AUTS2: variants seen among roughly 807,000 people sequenced by gnomAD.
AUTS2 encodes autism susceptibility gene 2 protein.
Under a neutral mutation model 112.4 loss-of-function variants are expected in AUTS2, and 17 were observed. That is an observed-to-expected ratio of 0.15 (90% CI 0.10 to 0.23). The LOEUF is 0.23. AUTS2 is among the 10% of genes least tolerant of loss of function. The pLI is 1.00. For missense variants in AUTS2, 1,510 were observed against 1,701.6 expected (o/e 0.89, Z 1.98); for synonymous variants, 751 against 702.7 (o/e 1.07, Z -1.09).
chr7:70,544,945 G>A (rs1181084647), intron 5 of AUTS2, among the ~76,000 whole-genome samples: 3 of 152,168 alleles, frequency 2.0e-5, no homozygotes, highest in Admixed American at 6.5e-5. Context: ...TGGGACCTAT[G>A]TACTTGGTGA....
chr7:69,671,486 G>GTGTGTGT (rs748832261), intron 1 of AUTS2, among the ~76,000 whole-genome samples: 2,792 of 138,550 alleles, frequency 0.02, 51 homozygotes, highest in Non-Finnish European at 0.028. Context: ...TGCTGCTGCT[G>GTGTGTGT]GTGTGTGTGT....
chr7:70,253,216 A>T (rs1424648608), intron 4 of AUTS2, among the ~76,000 whole-genome samples: 1 of 152,166 alleles, frequency 6.6e-6, no homozygotes, highest in Non-Finnish European at 1.5e-5. Context: ...GCATAACAAG[A>T]TGTCATTTTG....
intron 5 of AUTS2, among the ~76,000 whole-genome samples, chr7:70,538,921 C>A (rs1800433016): frequency 6.6e-6 from 1 of 152,138 alleles, no homozygotes; most frequent in Non-Finnish European, 1.5e-5. Flanking sequence ...TCTGGATGAA[C>A]AAAACGGGTT....
At chr7:70,738,015 T>G (rs1787869963) in intron 6 of AUTS2, among the ~76,000 whole-genome samples, 1 of 152,014 alleles carries the variant, frequency 6.6e-6, no homozygotes, top group South Asian at 2.1e-4. Flanking sequence ...GAAGACATTC[T>G]GAAACCAACT....
chr7:69,801,765 C>T (rs1021311564), intron 1 of AUTS2, among the ~76,000 whole-genome samples: 1 of 152,102 alleles, frequency 6.6e-6, no homozygotes, highest in African/African-American at 2.4e-5. Context: ...AAACAGACAA[C>T]AATCTCTCTG....
At chr7:69,742,184 T>A (rs554568381) in intron 1 of AUTS2, among the ~76,000 whole-genome samples, 9 of 151,898 alleles carry the variant, frequency 5.9e-5, no homozygotes, top group Non-Finnish European at 1.3e-4. Context: ...GACAATTTGT[T>A]TGTTCATATT....
At chr7:70,364,228 C>A (rs904598217) in intron 4 of AUTS2, among the ~76,000 whole-genome samples, 5 of 152,074 alleles carry the variant, frequency 3.3e-5, no homozygotes, top group Admixed American at 3.3e-4. Flanking sequence ...AGTCTTTCAA[C>A]TGTCTAGCAC....
chr7:70,041,154 T>G (rs1801229601), intron 2 of AUTS2, among the ~76,000 whole-genome samples: 1 of 152,164 alleles, frequency 6.6e-6, no homozygotes, highest in African/African-American at 2.4e-5. Context: ...AGAAAAACAG[T>G]TTAGTAGCAC....
intron 1 of AUTS2, among the ~76,000 whole-genome samples, chr7:69,652,962 T>TA (rs1198081496): frequency 6.6e-6 from 1 of 152,210 alleles, no homozygotes; most frequent in Non-Finnish European, 1.5e-5. Context: ...ATGAGGTTCG[T>TA]AGTGCTTTAG....
At chr7:70,221,911 A>T (rs1373572889) in intron 4 of AUTS2, among the ~76,000 whole-genome samples, 1 of 152,028 alleles carries the variant, frequency 6.6e-6, no homozygotes, top group African/African-American at 2.4e-5. Context: ...TAAATAAAGA[A>T]TCTATCATTT....
In AUTS2 at chr7:70,787,309, C is replaced by T. The variant is rs1791570277; in HGVS notation, c.2409C>T (p.Phe803=). 4 of 1,614,230 alleles carry T rather than the reference C, an allele frequency of 2.5e-6. No homozygotes were observed. The highest frequency in any genetic ancestry group is 3.4e-6 in the Non-Finnish European group (4 of 1,180,038). The change falls in exon 18 of 19, where the codon TTC becomes TTT. Residue 803 remains phenylalanine (F), a synonymous_variant. Coordinates refer to ENST00000342771, the MANE Select transcript of AUTS2 (RefSeq NM_015570.4). The part of the protein sequence containing the change: ...WNRLHRTPPS[F]PTPPPWLKPG... ...GGCTGCACCGAACGCCTCCGTCGTT[C>T]CCGACCCCTCCGCCCTGGCTGAAGC...
At chr7:69,924,436 T>G (rs1470199826) in intron 2 of AUTS2, among the ~76,000 whole-genome samples, 2 of 152,172 alleles carry the variant, frequency 1.3e-5, no homozygotes, top group Admixed American at 6.5e-5. Flanking sequence ...AGAGTGATGC[T>G]GGCCTCATAG....
At chr7:69,863,014 A>G (rs904847049) in intron 1 of AUTS2, among the ~76,000 whole-genome samples, 4 of 152,136 alleles carry the variant, frequency 2.6e-5, no homozygotes, top group Admixed American at 2.6e-4. Flanking sequence ...AGACTACCCC[A>G]TCATACCACA....
At chr7:69,957,729 G>C (rs1431824027) in intron 2 of AUTS2, among the ~76,000 whole-genome samples, 1 of 152,150 alleles carries the variant, frequency 6.6e-6, no homozygotes, top group African/African-American at 2.4e-5. Context: ...CAGGAAGGGA[G>C]TGAAACAGGG....
intron 4 of AUTS2, among the ~76,000 whole-genome samples, chr7:70,314,662 A>G (rs1419942765): frequency 6.6e-6 from 1 of 152,216 alleles, no homozygotes; most frequent in African/African-American, 2.4e-5. Flanking sequence ...TATTATGTGT[A>G]GATAGCTCTA....
chr7:70,609,959 TTTGTTGTTGTTGTTG>T lies in AUTS2; in HGVS notation c.691-88580_691-88566del, dbSNP rs200432278. ...GCTGAATCATATGGAAGTTCTGTTT[TTTGTTGTTGTTGTTG>T]TTGTTGTTGTTGTTGTTGTTGTTGT... On this transcript the variant is annotated intron_variant, in intron 5 of 18. Coordinates refer to ENST00000342771, the MANE Select transcript of AUTS2 (RefSeq NM_015570.4). Among the ~76,000 whole-genome samples the T allele has an allele frequency of 5.2e-4, 64 of 122,970 alleles. 1 individual carries two copies. The highest frequency in any genetic ancestry group is 1.2e-3 in the East Asian group (6 of 4,978). The allele number at this position is 122,970 out of a possible 152,430, so 80.7% of individuals were successfully genotyped here.
chr7:70,602,238 C>T (rs1162716879), intron 5 of AUTS2, among the ~76,000 whole-genome samples: 2 of 152,212 alleles, frequency 1.3e-5, no homozygotes. Flanking sequence ...CTACCTTAGA[C>T]TTATGTCATG....
intron 1 of AUTS2, among the ~76,000 whole-genome samples, chr7:69,849,612 T>C (rs1399752800): frequency 3.3e-5 from 5 of 151,844 alleles, no homozygotes; most frequent in Admixed American, 2.6e-4. Flanking sequence ...ATATAAATGT[T>C]ATTACACATT....
intron 4 of AUTS2, among the ~76,000 whole-genome samples, chr7:70,377,185 C>T (rs1287083011): frequency 6.6e-6 from 1 of 150,910 alleles, no homozygotes. Context: ...TTTTGGAATA[C>T]CATCACAATA....
Sources: allele counts gnomAD v4.1 joint callset (sites outside exome capture counted in the v4.1 genomes callset), GRCh38; gene constraint gnomAD v4.1.1; transcripts MANE v1.5; gene names NCBI Gene and HGNC (gene_info 2026-07-23, HGNC 2026-07-21).